The following SNRPN variants were observed in gnomAD, a reference collection of about 807,000 sequenced individuals.
The protein encoded by SNRPN is small nuclear ribonucleoprotein polypeptide N.
SNRPN carries 7 observed loss-of-function variants against 25.2 expected under a neutral mutation model. That is an observed-to-expected ratio of 0.28 (90% CI 0.16 to 0.52). The LOEUF (loss-of-function observed/expected upper bound fraction) is 0.52. Among genes scored for constraint, SNRPN ranks in the 20% least tolerant of loss-of-function variants. The probability of loss-of-function intolerance (pLI) is 0.96; values close to 1 mark genes in which losing one functional copy is unlikely to be tolerated. For missense variants in SNRPN, 196 were observed against 322.5 expected (o/e 0.61, Z 3.00); for synonymous variants, 124 against 110.6 (o/e 1.12, Z -0.76).
Position 24,824,878 on chromosome 15 carries a change from C to G in SNRPN, c.-687+1028C>G, listed in dbSNP as rs559268727. Among the ~76,000 whole-genome samples the G allele has an allele frequency of 4.3e-4, 66 of 152,154 alleles. 1 individual carries two copies. Among genetic ancestry groups the G allele is most frequent in the African/African-American group, 1.5e-3 (61 of 41,444 alleles). On this transcript the variant is annotated intron_variant, in intron 1 of 12. Transcript: ENST00000400100. ...AAGCAGGCTAGGAATTGTTTAGGTTCTGCAATACGAATTGTGCAAATGCCA... is the reference window on the plus strand; with the variant it reads ...AAGCAGGCTAGGAATTGTTTAGGTTGTGCAATACGAATTGTGCAAATGCCA...
At chr15:24,835,247 T>G (rs924442632) in intron 2 of SNRPN, among the ~76,000 whole-genome samples, 1 of 150,482 alleles carries the variant, frequency 6.6e-6, no homozygotes, top group Non-Finnish European at 1.5e-5. Flanking sequence ...GTAACATATA[T>G]AGGCATGCTG....
At chr15:24,907,217 A>G (rs2151912860) in intron 2 of SNRPN, among the ~76,000 whole-genome samples, 1 of 152,240 alleles carries the variant, frequency 6.6e-6, no homozygotes, top group South Asian at 2.1e-4. Flanking sequence ...AAGTCAGGGA[A>G]TAATACCTAC....
intron 1 of SNRPN, among the ~76,000 whole-genome samples, chr15:24,877,831 A>G (rs1368317605): frequency 6.6e-6 from 1 of 152,242 alleles, no homozygotes; most frequent in East Asian, 1.9e-4. Context: ...CGACAGAGCG[A>G]AACTCCGTCT....
intron 1 of SNRPN, among the ~76,000 whole-genome samples, chr15:24,866,846 T>G (rs1252285812): frequency 6.6e-6 from 1 of 152,172 alleles, no homozygotes; most frequent in East Asian, 1.9e-4. Flanking sequence ...TTCAACCATG[T>G]TGTCGCAAAT....
intron 2 of SNRPN, among the ~76,000 whole-genome samples, chr15:24,888,005 A>C (rs1239577180): frequency 1.3e-5 from 2 of 152,196 alleles, no homozygotes; most frequent in African/African-American, 4.8e-5. Context: ...TAATCATTTT[A>C]TTATTAGTTA....
chr15:24,833,491 G>T (rs1260937971), intron 2 of SNRPN, among the ~76,000 whole-genome samples: 1 of 151,994 alleles, frequency 6.6e-6, no homozygotes, highest in Non-Finnish European at 1.5e-5. Context: ...TCCTCTGAAG[G>T]TTCACTGAAA....
chr15:24,913,256 A>G (rs982703847), intron 2 of SNRPN, among the ~76,000 whole-genome samples: 2 of 152,188 alleles, frequency 1.3e-5, no homozygotes, highest in Admixed American at 1.3e-4. Flanking sequence ...AGGTATTTCT[A>G]ATAGCAGTAC....
chr15:24,846,106 T>G (rs1219685967), intron 2 of SNRPN, among the ~76,000 whole-genome samples: 1 of 151,966 alleles, frequency 6.6e-6, no homozygotes. Flanking sequence ...AAATTGATCC[T>G]TAATATTGAG....
At chr15:24,878,651 GA>G in intron 1 of SNRPN, among the ~76,000 whole-genome samples, 1 of 152,262 alleles carries the variant, frequency 6.6e-6, no homozygotes, top group Non-Finnish European at 1.5e-5. Context: ...GTTTTCCCAT[GA>G]AAAATTGTAT....
chr15:24,914,698 C>A (rs2059414453), intron 2 of SNRPN, among the ~76,000 whole-genome samples: 1 of 152,148 alleles, frequency 6.6e-6, no homozygotes, highest in Non-Finnish European at 1.5e-5. Context: ...TTCAAAGGTG[C>A]ACCCTGAGGT....
chr15:24,877,247 C>G (rs995930501), intron 1 of SNRPN, among the ~76,000 whole-genome samples: 2 of 152,174 alleles, frequency 1.3e-5, no homozygotes, highest in African/African-American at 4.8e-5. Context: ...ATAATGAATT[C>G]TCCACCTGGA....
intron 7 of SNRPN, among the ~76,000 whole-genome samples, chr15:24,977,378 G>C (rs1346791782): frequency 6.6e-6 from 1 of 152,024 alleles, no homozygotes; most frequent in Non-Finnish European, 1.5e-5. Flanking sequence ...AGTGGCTTAC[G>C]CCTGTAATCC....
intron 1 of SNRPN, chr15:24,823,966 A>G (rs1437601799): frequency 1.3e-5 from 2 of 152,098 alleles, no homozygotes; most frequent in East Asian, 3.8e-4. Context: ...TCATTCCTGT[A>G]TTTTAAAATG....
chr15:24,848,184 G>A lies in SNRPN; in HGVS notation c.-579+18279G>A, dbSNP rs1314642016. Reference sequence around the variant, plus strand: ...CCGGTGCGGCCAACCAGCTCGTGGTGCGCTGTGGGAAGGTCACAGGACGGA... The same window carrying A: ...CCGGTGCGGCCAACCAGCTCGTGGTACGCTGTGGGAAGGTCACAGGACGGA... On this transcript the variant is annotated intron_variant, in intron 2 of 12. Coordinates refer to the SNRPN transcript ENST00000400100. 6.1e-5 allele frequency among the ~76,000 whole-genome samples: 9 copies of A among 148,222 alleles called. 1 individual carries two copies. The highest frequency in any genetic ancestry group is 2.2e-4 in the African/African-American group (9 of 40,410).
intron 1 of SNRPN, among the ~76,000 whole-genome samples, chr15:24,882,823 CAAAAA>C (rs10543501): frequency 1.6e-5 from 2 of 127,120 alleles, no homozygotes; most frequent in South Asian, 2.7e-4. Context: ...GACTCCATCT[CAAAAA>C]AAAAAATATA....
In SNRPN at chr15:24,974,419, T is replaced by A; in HGVS notation, c.-35T>A. ...CTAGGTCTTCAGAAGCATCAAGTTT[T>A]AACTGTGGACATTGGATTTGGTGGA... On this transcript the variant is annotated 5_prime_UTR_variant, in exon 4 of 10. Coordinates refer to ENST00000390687, the MANE Select transcript of SNRPN (RefSeq NM_003097.6). 6.2e-7 allele frequency: 1 copy of A among 1,611,530 alleles called. No homozygotes were observed. The highest frequency in any genetic ancestry group is 8.5e-7 in the Non-Finnish European group (1 of 1,177,652).
intron 1 of SNRPN, among the ~76,000 whole-genome samples, chr15:24,876,750 T>C (rs2055936099): frequency 6.6e-6 from 1 of 151,962 alleles, no homozygotes; most frequent in East Asian, 1.9e-4. Flanking sequence ...TGTGATTGAA[T>C]AGATGAAGAA....
Position 24,955,058 on chromosome 15 carries a change from G to A in SNRPN, c.-395G>A. 6.2e-7 allele frequency: 1 copy of A among 1,613,458 alleles called. No homozygotes were observed. The highest frequency in any genetic ancestry group is 2.2e-5 in the East Asian group (1 of 44,882). On this transcript the variant is annotated 5_prime_UTR_variant, in exon 1 of 10. Coordinates refer to ENST00000390687, the MANE Select transcript of SNRPN (RefSeq NM_003097.6). Reference sequence around the variant, plus strand: ...AGCGGTCAGTGACGCGATGGAGCGGGCAAGGTCAGCTGTGCCGGTGGCTTC... The same window carrying A: ...AGCGGTCAGTGACGCGATGGAGCGGACAAGGTCAGCTGTGCCGGTGGCTTC...
At chr15:24,868,999 G>C (rs1414166129) in intron 1 of SNRPN, among the ~76,000 whole-genome samples, 1 of 152,020 alleles carries the variant, frequency 6.6e-6, no homozygotes, top group Non-Finnish European at 1.5e-5. Flanking sequence ...TTTAAAATTA[G>C]CCAGGCATGG....
Sources: gnomAD v4.1 joint callset for allele counts (sites outside exome capture counted in the v4.1 genomes callset) on GRCh38, gnomAD v4.1.1 for gene constraint, MANE v1.5 for transcripts, NCBI Gene and HGNC (gene_info 2026-07-23, HGNC 2026-07-21) for gene names.